Variants in THOC2 observed in about 807,000 individuals in gnomAD.
The protein encoded by THOC2 is THO complex subunit 2.
THOC2 carries 10 observed loss-of-function variants against 128.4 expected under a neutral mutation model. The ratio of observed to expected loss-of-function variants is 0.08; its 90% confidence interval spans 0.05 to 0.13. THOC2 has a LOEUF of 0.13. Ranked by LOEUF, THOC2 falls within the 10% of genes least tolerant of loss-of-function variation. The pLI, the probability that THOC2 is intolerant of heterozygous loss-of-function variation, is 1.00. For synonymous variants in THOC2, 393 were observed against 396.9 expected (o/e 0.99, Z 0.12); for missense variants, 535 against 1,155.7 (o/e 0.46, Z 7.79).
At chrX:123,628,093 G>A (rs922607711) in intron 22 of THOC2, 125 bp from the exon 23 acceptor site, 1 of 548,196 alleles carries the variant, frequency 1.8e-6, no homozygotes, top group Non-Finnish European at 2.9e-6. Flanking sequence ...TCTCAAAACT[G>A]TTGTAGAAAT....
Position 123,610,991 on chromosome X carries a change from T to A in THOC2, c.4755-28A>T. 3 of 1,199,620 alleles carry A rather than the reference T, an allele frequency of 2.5e-6. No individual in the cohort carries two copies. In the South Asian group the frequency reaches 5.4e-5, roughly 21 times the overall value. On this transcript the variant is annotated intron_variant, in intron 37 of 38. Transcript: ENST00000245838. ...AGATGACAAATTAAGGGAAAACAAC[T>A]TTTGGGAATGGCGGAAAGAACAGCA... is the stretch of plus-strand genomic sequence containing the variant.
At chrX:123,623,589 A>C (rs2047163450) in intron 28 of THOC2, 198 bp downstream of exon 28, 1 of 905,827 alleles carries the variant, frequency 1.1e-6, no homozygotes, top group Non-Finnish European at 1.5e-6. Flanking sequence ...TGACTTTAAA[A>C]AAACTATCAT....
chrX:123,657,954 CATATGCGTGTGTGTGT>C (rs1435527080), intron 12 of THOC2, among the ~76,000 whole-genome samples: 2 of 86,512 alleles, frequency 2.3e-5, no homozygotes, highest in African/African-American at 8.7e-5. Flanking sequence ...ATTACATACG[CATATGCGTGTGTGTGT>C]GTGTGTGTGT....
intron 22 of THOC2, among the ~76,000 whole-genome samples, chrX:123,630,612 C>CAAAAAAAA (rs57639724): frequency 6.2e-5 from 1 of 16,074 alleles, no homozygotes; most frequent in Non-Finnish European, 1.4e-4. Flanking sequence ...GACTCCATCT[C>CAAAAAAAA]AAAAAAAAAA....
At chrX:123,625,512 T>C (rs2047236636) in intron 25 of THOC2, among the ~76,000 whole-genome samples, 1 of 109,821 alleles carries the variant, frequency 9.1e-6, no homozygotes, top group Admixed American at 9.7e-5. Context: ...AGGTGTAAAC[T>C]TTTTTGTCTT....
chrX:123,723,278 C>T (rs2051788020), intron 1 of THOC2, among the ~76,000 whole-genome samples: 1 of 111,693 alleles, frequency 9.0e-6, no homozygotes, highest in East Asian at 2.8e-4. Flanking sequence ...TACATATTTA[C>T]AAAAAATTTA....
At chrX:123,613,750 G>GT (rs770378402) in intron 34 of THOC2, 42 bp from the exon 35 acceptor site, 1 of 1,143,518 alleles carries the variant, frequency 8.7e-7, no homozygotes, top group Non-Finnish European at 1.2e-6. Context: ...AAGGGCTTCT[G>GT]TTTTTGTTTT....
intron 1 of THOC2, among the ~76,000 whole-genome samples, chrX:123,724,537 T>G (rs1217062879): frequency 9.2e-6 from 1 of 108,597 alleles, no homozygotes; most frequent in Non-Finnish European, 1.9e-5. Context: ...ATACAAAAAT[T>G]AGCTGGACGC....
chrX:123,643,480 G>A lies in THOC2; in HGVS notation c.1661+1095C>T, dbSNP rs1382536838. On this transcript the variant is annotated intron_variant, in intron 15 of 38. Coordinates refer to ENST00000245838, the MANE Select transcript of THOC2 (RefSeq NM_001081550.2). ...AATGTATTATTAAACAATCCATGCA[G>A]AGCACTTAGTTTAATGCCTGGCACA... Among the ~76,000 whole-genome samples the A allele has an allele frequency of 1.2e-4, 13 of 111,377 alleles. No individual in the cohort carries two copies. In the Admixed American group the frequency reaches 1.2e-3, roughly 11 times the overall value.
intron 38 of THOC2, among the ~76,000 whole-genome samples, chrX:123,609,108 G>T (rs972069366): frequency 2.7e-5 from 3 of 111,902 alleles, no homozygotes; most frequent in Non-Finnish European, 5.6e-5. Context: ...ACAATGGCTG[G>T]CTCATTCCTC....
At chrX:123,662,105 T>C in intron 12 of THOC2, among the ~76,000 whole-genome samples, 1 of 112,440 alleles carries the variant, frequency 8.9e-6, no homozygotes, top group South Asian at 3.7e-4. Flanking sequence ...GTTGCTGTTG[T>C]CTAAAATTCA....
At chrX:123,690,219 C>T (rs981969523) in intron 7 of THOC2, among the ~76,000 whole-genome samples, 14 of 111,101 alleles carry the variant, frequency 1.3e-4, no homozygotes, top group African/African-American at 4.6e-4. Context: ...TCCGGGAAAA[C>T]AGAAGAGAGA....
At chrX:123,611,317 C>T in intron 37 of THOC2, 123 bp downstream of exon 37, 1 of 512,163 alleles carries the variant, frequency 2.0e-6, no homozygotes, top group Non-Finnish European at 3.1e-6. Context: ...ACTGGAAAGA[C>T]CATTTCAAAA....
intron 22 of THOC2, among the ~76,000 whole-genome samples, chrX:123,630,387 C>A (rs113340972): frequency 0.025 from 2,712 of 110,439 alleles, 83 homozygotes; most frequent in African/African-American, 0.085. Flanking sequence ...CCAAGGCAGG[C>A]GGATCACCTG....
At chrX:123,712,746 G>C in intron 2 of THOC2, 104 bp downstream of exon 2, 1 of 494,998 alleles carries the variant, frequency 2.0e-6, no homozygotes, top group Admixed American at 4.7e-5. Flanking sequence ...TTTATATAAT[G>C]TGAACTATCT....
At chrX:123,676,029 T>C (rs1293985049) in intron 8 of THOC2, among the ~76,000 whole-genome samples, 2 of 112,575 alleles carry the variant, frequency 1.8e-5, no homozygotes, top group Non-Finnish European at 3.7e-5. Context: ...TGTTGGCCTT[T>C]TCTGGGCATG....
At chrX:123,619,541 T>C (rs1439267263) in intron 32 of THOC2, 105 bp from the exon 33 acceptor site, 4 of 910,387 alleles carry the variant, frequency 4.4e-6, no homozygotes, top group Non-Finnish European at 6.2e-6. Context: ...AGCTACTTCT[T>C]GTGAGGATAA....
chrX:123,636,052 T>G, intron 19 of THOC2, 27 bp downstream of exon 19: 1 of 1,135,210 alleles, frequency 8.8e-7, no homozygotes. Context: ...CTATTGAATT[T>G]CATTATGTAT....
chrX:123,678,299 T>C (rs1226981312), intron 8 of THOC2, among the ~76,000 whole-genome samples: 2 of 105,001 alleles, frequency 1.9e-5, no homozygotes, highest in Non-Finnish European at 3.9e-5. Context: ...GGAGTCTTGC[T>C]CTGTCACCCA....
Sources: gnomAD v4.1 joint callset for allele counts (sites outside exome capture counted in the v4.1 genomes callset) on GRCh38, gnomAD v4.1.1 for gene constraint, MANE v1.5 for transcripts, NCBI Gene and HGNC (gene_info 2026-07-23, HGNC 2026-07-21) for gene names.